The following ACMSD variants were observed in gnomAD, a reference collection of about 807,000 sequenced individuals.
ACMSD encodes the protein aminocarboxymuconate semialdehyde decarboxylase.
In ACMSD, 37 loss-of-function variants were observed where a neutral mutation model predicts 45.9. The observed-to-expected ratio is 0.81, with a 90% CI of 0.62 to 1.06. The LOEUF (loss-of-function observed/expected upper bound fraction) is 1.06, where lower values mean the gene tolerates loss of function less well. Ranked by LOEUF, ACMSD falls within the 50% of genes least tolerant of loss-of-function variation. ACMSD has a pLI of 0.00. For synonymous variants in ACMSD, 138 were observed against 148.8 expected, an observed-to-expected ratio of 0.93 and a Z score of 0.53; for missense variants, 434 against 420.9, an observed-to-expected ratio of 1.03 and a Z score of -0.27.
chr2:134,889,092 C>G (rs1346868303), intron 8 of ACMSD, among the ~76,000 whole-genome samples: 1 of 152,088 alleles, frequency 6.6e-6, no homozygotes, highest in African/African-American at 2.4e-5. Flanking sequence ...CATGTGCATT[C>G]TAGGCTCATG....
intron 2 of ACMSD, among the ~76,000 whole-genome samples, chr2:134,854,687 G>T (rs1372945551): frequency 6.6e-6 from 1 of 152,216 alleles, no homozygotes; most frequent in Non-Finnish European, 1.5e-5. Flanking sequence ...AAGGGAGACT[G>T]GGAAAGCATA....
At chr2:134,886,279 C>T (rs1403365820) in intron 8 of ACMSD, among the ~76,000 whole-genome samples, 242 of 119,880 alleles carry the variant, frequency 2.0e-3, no homozygotes, top group African/African-American at 8.1e-3. Context: ...GGCAGAGTCT[C>T]GCTCTGCCGC....
In ACMSD at chr2:134,901,805, T is replaced by C. The variant is rs1690516163; in HGVS notation, c.956T>C (p.Leu319Pro). 1.2e-6 allele frequency: 2 copies of C among 1,601,202 alleles called. No individual in the cohort carries two copies. Among genetic ancestry groups the C allele is most frequent in the Admixed American group, 3.4e-5 (2 of 59,152 alleles). Reference protein sequence around the residue: ...EEFDEETKNKLKAGNALAFLG... With the variant: ...EEFDEETKNKPKAGNALAFLG... ...ATTTTCTTTTCTTTTCAGAATAAAC[T>C]CAAAGCCGGCAATGCCCTGGCATTT... Residue 319 changes from leucine (L) to proline (P), a missense_variant, in exon 10 of 10, where the codon CTC (leucine) becomes CCC (proline). Coordinates refer to ENST00000356140, the MANE Select transcript of ACMSD (RefSeq NM_138326.3).
At chr2:134,870,942 C>T (rs1320148415) in intron 6 of ACMSD, 23 bp from the exon 7 acceptor site, 2 of 1,601,710 alleles carry the variant, frequency 1.2e-6, no homozygotes, top group East Asian at 2.2e-5. Context: ...ATCCCTGAAC[C>T]TTGTGACTAT....
intron 8 of ACMSD, among the ~76,000 whole-genome samples, chr2:134,882,574 A>G (rs1004851203): frequency 2.6e-5 from 4 of 152,252 alleles, no homozygotes; most frequent in African/African-American, 9.6e-5. Flanking sequence ...TCTTGGGAAT[A>G]TAAAGCTAAT....
At chr2:134,855,619 A>C (rs1270140722) in intron 2 of ACMSD, among the ~76,000 whole-genome samples, 1 of 152,188 alleles carries the variant, frequency 6.6e-6, no homozygotes, top group African/African-American at 2.4e-5. Context: ...GAAGCACATC[A>C]ATCTTGGTGT....
intron 4 of ACMSD, 50 bp from the exon 5 acceptor site, chr2:134,863,345 A>C: frequency 1.3e-6 from 2 of 1,554,878 alleles, no homozygotes; most frequent in South Asian, 1.1e-5. Context: ...TGAATGTCTA[A>C]AAGAAGTAGG....
At chr2:134,854,060 C>T (rs1687470452) in intron 2 of ACMSD, among the ~76,000 whole-genome samples, 2 of 152,202 alleles carry the variant, frequency 1.3e-5, no homozygotes, top group Admixed American at 6.5e-5. Context: ...ACCTCATGGA[C>T]TTATTGGTAA....
intron 3 of ACMSD, 22 bp downstream of exon 3, chr2:134,859,379 A>G (rs1687742429): frequency 3.8e-6 from 6 of 1,599,972 alleles, no homozygotes; most frequent in Non-Finnish European, 4.3e-6. Flanking sequence ...AGTGCTACCA[A>G]TGTTAGCATC....
chr2:134,889,332 G>C (rs971263228), intron 8 of ACMSD, among the ~76,000 whole-genome samples: 1 of 152,106 alleles, frequency 6.6e-6, no homozygotes, highest in Non-Finnish European at 1.5e-5. Context: ...ACAGCGCCCA[G>C]ATCTTGGTTT....
In ACMSD at chr2:134,888,806, G is replaced by GA. The variant is rs34385033; in HGVS notation, c.850-9526dup. 2.5e-3 allele frequency among the ~76,000 whole-genome samples: 381 copies of GA among 150,904 alleles called. 1 individual carries two copies. Among genetic ancestry groups the GA allele is most frequent in the African/African-American group, 8.7e-3 (358 of 41,122 alleles). ...TGAAGAGGCAAAACTAGTCTACGGT[G>GA]AAAAAAAAAGACAAGTTATTACCTT... On this transcript the variant is annotated intron_variant, in intron 8 of 9. Transcript: ENST00000356140.
chr2:134,863,410 A>G lies in ACMSD; in HGVS notation c.265A>G (p.Thr89Ala). The part of the protein sequence containing the change: ...MFSYWAKPED[T>A]LNLCQLLNND... ...TCTCCACCAGGCCAAACCTGAGGAC[A>G]CTTTAAACCTGTGCCAGCTTTTAAA... is the stretch of plus-strand genomic sequence containing the variant. The change falls in exon 5 of 10, where the codon ACT (threonine) becomes GCT (alanine). Residue 89 changes from threonine to alanine, a missense_variant. Thr to Ala is a moderately conservative substitution (Grantham distance 58). Coordinates refer to ENST00000356140, the MANE Select transcript of ACMSD (RefSeq NM_138326.3). 2 of 1,614,180 alleles carry G rather than the reference A, an allele frequency of 1.2e-6. No individual in the cohort carries two copies. The highest frequency in any genetic ancestry group is 1.1e-5 in the South Asian group (1 of 91,082).
intron 2 of ACMSD, among the ~76,000 whole-genome samples, chr2:134,854,312 C>T (rs1218954112): frequency 1.3e-5 from 2 of 152,186 alleles, no homozygotes; most frequent in African/African-American, 2.4e-5. Flanking sequence ...ACAGAATTCA[C>T]TCTAGTTAGT....
In ACMSD at chr2:134,862,168, C is replaced by G. The variant is rs907817613; in HGVS notation, c.249+150C>G. On this transcript the variant is annotated intron_variant, in intron 4 of 9. Transcript: ENST00000356140. The stretch of plus-strand genomic sequence containing the variant: ...TTTAGCGATCAGCAGGGTCCCCTCT[C>G]AGGCCTGTCTTCTTAGCCATGTCTT... The G allele has an allele frequency of 2.1e-5, 18 of 841,120 alleles. No homozygotes were observed. The African/African-American group carries it at 3.0e-4, about 14-fold the overall frequency. The allele number at this position is 841,120 out of a possible 1,614,324, so 52.1% of individuals were successfully genotyped here. A position where few individuals can be genotyped will look rare whatever the true frequency, so the allele number is the denominator to read the frequency against.
At chr2:134,838,886 G>A in intron 1 of ACMSD, 147 bp downstream of exon 1, 1 of 515,160 alleles carries the variant, frequency 1.9e-6, no homozygotes, top group South Asian at 4.2e-5. Flanking sequence ...TGATTTTCTA[G>A]CTTTTAAAAA....
intron 8 of ACMSD, among the ~76,000 whole-genome samples, chr2:134,885,378 AT>A (rs1336939162): frequency 1.9e-5 from 2 of 104,870 alleles, no homozygotes; most frequent in South Asian, 5.6e-4. Context: ...ATTATATATA[AT>A]ATATATGTAA....
rs145720089 is a variant in ACMSD, at chr2:134,859,307, G to A, written c.149G>A (p.Arg50Gln). 5.5e-4 allele frequency: 889 copies of A among 1,614,072 alleles called. 6 individuals carry two copies. The African/African-American group carries it at 9.7e-3, about 18-fold the overall frequency. The change falls in exon 3 of 10, where the codon CGA becomes CAA. Residue 50 changes from arginine to glutamine, a missense_variant. Arg to Gln is a conservative substitution (Grantham distance 43). Coordinates refer to ENST00000356140, the MANE Select transcript of ACMSD (RefSeq NM_138326.3). ...LKDGKVFRVV[R>Q]ENCWDPEVRI... ...GATGGGAAAGTCTTCAGAGTGGTGCGAGAGAATTGCTGGGATCCAGAAGTT... is the reference window on the plus strand; with the variant it reads ...GATGGGAAAGTCTTCAGAGTGGTGCAAGAGAATTGCTGGGATCCAGAAGTT...
At chr2:134,886,251 T>A (rs995436645) in intron 8 of ACMSD, among the ~76,000 whole-genome samples, 81 of 135,206 alleles carry the variant, frequency 6.0e-4, no homozygotes, top group African/African-American at 9.1e-4. Flanking sequence ...TTATTATTTT[T>A]TTTTTTTTTT....
At chr2:134,867,368 T>C (rs1190998098) in intron 5 of ACMSD, 1 of 366,012 alleles carries the variant, frequency 2.7e-6, no homozygotes, top group African/African-American at 2.1e-5. Context: ...CCAACCCCCT[T>C]TGTTAATTCC....
Sources: gnomAD v4.1 joint callset for allele counts (sites outside exome capture counted in the v4.1 genomes callset) on GRCh38, gnomAD v4.1.1 for gene constraint, MANE v1.5 for transcripts, NCBI Gene and HGNC (gene_info 2026-07-23, HGNC 2026-07-21) for gene names.